The following CPNE7 variants were observed in gnomAD, a reference collection of about 807,000 sequenced individuals.
CPNE7 encodes copine-7.
CPNE7 carries 78 observed loss-of-function variants against 66.5 expected under a neutral mutation model. That is an observed-to-expected ratio of 1.17 (90% CI 0.98 to 1.42). The LOEUF (loss-of-function observed/expected upper bound fraction) is 1.42. Among genes scored for constraint, CPNE7 ranks in the 40% most tolerant of loss-of-function variants. CPNE7 has a pLI of 0.00. For missense variants in CPNE7, 1,012 were observed against 776.6 expected (o/e 1.30, Z -3.60); for synonymous variants, 468 against 336.7 (o/e 1.39, Z -4.27).
chr16:89,595,146 T>G lies in CPNE7; in HGVS notation c.1303-221T>G, dbSNP rs566475069. ...AGCCCTCCGTGAGACTCGTGGAGAT[T>G]TCCTGAGCTGGGCACAGGAGGCCCA... On this transcript the variant is annotated intron_variant, in intron 13 of 14. Transcript: ENST00000319518. Among the ~76,000 whole-genome samples the G allele has an allele frequency of 2.6e-5, 4 of 152,220 alleles. No homozygotes were observed. The East Asian group carries it at 7.7e-4, about 29-fold the overall frequency.
chr16:89,590,859 A>G, intron 11 of CPNE7, 148 bp from the exon 12 acceptor site: 1 of 497,492 alleles, frequency 2.0e-6, no homozygotes, highest in Admixed American at 3.2e-5. Context: ...CCTCTTTAGT[A>G]GGCGGGGGAC....
chr16:89,583,826 G>T, intron 3 of CPNE7, 55 bp downstream of exon 3: 1 of 1,592,824 alleles, frequency 6.3e-7, no homozygotes, highest in Non-Finnish European at 8.6e-7. Context: ...TGGCTCCGAG[G>T]GGTGTTGTGG....
At chr16:89,596,397 A>G (rs771403682) in intron 14 of CPNE7, 87 bp from the exon 15 acceptor site, 5 of 1,506,346 alleles carry the variant, frequency 3.3e-6, no homozygotes, top group South Asian at 1.3e-5. Flanking sequence ...GCTCTGGAGG[A>G]TGAGGCCTGG....
In CPNE7 at chr16:89,592,091, C is replaced by T. The variant is rs185111762; in HGVS notation, c.1302+831C>T. On this transcript the variant is annotated intron_variant, in intron 13 of 14. Coordinates refer to ENST00000319518, the MANE Select transcript of CPNE7 (RefSeq NM_153636.3). ...TGGCGCAATCTCCGCTCACTGCAAC[C>T]TCCCCCTCCCAGGTTCGCGCCATTC... 2.5e-3 allele frequency among the ~76,000 whole-genome samples: 375 copies of T among 149,714 alleles called. 7 individuals are homozygous for T. The highest frequency in any genetic ancestry group is 8.7e-3 in the African/African-American group (350 of 40,294).
At chr16:89,576,557 C>A (rs1314159159) in intron 1 of CPNE7, among the ~76,000 whole-genome samples, 1 of 152,174 alleles carries the variant, frequency 6.6e-6, no homozygotes, top group East Asian at 1.9e-4. Context: ...TCAAGCGAAC[C>A]CGCTGTGATC....
At chr16:89,577,246 C>A (rs1202884129) in intron 1 of CPNE7, among the ~76,000 whole-genome samples, 1 of 152,142 alleles carries the variant, frequency 6.6e-6, no homozygotes, top group East Asian at 1.9e-4. Context: ...GGCTGCCCAG[C>A]CCAGGGTGTG....
chr16:89,581,056 T>G (rs1274666368), intron 2 of CPNE7, among the ~76,000 whole-genome samples: 1 of 89,648 alleles, frequency 1.1e-5, no homozygotes, highest in African/African-American at 4.5e-5. Context: ...ACCCATCACA[T>G]GGAACATCCC....
At chr16:89,582,301 G>A (rs574456344) in intron 2 of CPNE7, among the ~76,000 whole-genome samples, 2 of 152,338 alleles carry the variant, frequency 1.3e-5, no homozygotes, top group East Asian at 3.9e-4. Flanking sequence ...TCAGCCCAGA[G>A]CCAGGGATCC....
chr16:89,594,975 A>G (rs1297941484), intron 13 of CPNE7, among the ~76,000 whole-genome samples: 1 of 152,080 alleles, frequency 6.6e-6, no homozygotes, highest in Non-Finnish European at 1.5e-5. Flanking sequence ...GTGGCAGCAC[A>G]GCGGGCACCC....
Position 89,585,805 on chromosome 16 carries a change from G to C in CPNE7, c.780+20G>C. The C allele has an allele frequency of 7.2e-7, 1 of 1,385,864 alleles. No homozygotes were observed. Among genetic ancestry groups the C allele is most frequent in the Non-Finnish European group, 9.7e-7 (1 of 1,025,944 alleles). The allele number at this position is 1,385,864 out of a possible 1,614,324, so 85.8% of individuals were successfully genotyped here. A position where few individuals can be genotyped will look rare whatever the true frequency, so the allele number is the denominator to read the frequency against. On this transcript the variant is annotated intron_variant, in intron 7 of 14. Transcript: ENST00000319518. ...GGGCAGGTGAGCAGGACGGGGTAGGGGGTCCTCCAGGGAGGGTCAGGTGGG... is the reference window on the plus strand; with the variant it reads ...GGGCAGGTGAGCAGGACGGGGTAGGCGGTCCTCCAGGGAGGGTCAGGTGGG...
intron 9 of CPNE7, chr16:89,587,672 C>A: frequency 2.5e-6 from 1 of 404,260 alleles, no homozygotes; most frequent in South Asian, 1.7e-5. Context: ...CACCCGCAGA[C>A]CCCGCGTCAC....
Position 89,593,477 on chromosome 16 carries a change from C to G in CPNE7, c.1303-1890C>G, listed in dbSNP as rs1451674891. ...ACGCCATTCTCCTGCCTCAGCCTCC[C>G]AAATAGCTGGGACTACAGGCGCCCG... is the stretch of plus-strand genomic sequence containing the variant. On this transcript the variant is annotated intron_variant, in intron 13 of 14. Coordinates refer to ENST00000319518, the MANE Select transcript of CPNE7 (RefSeq NM_153636.3). Among the ~76,000 whole-genome samples, 5 of 151,914 alleles carry G rather than the reference C, an allele frequency of 3.3e-5. 1 individual carries two copies. Among genetic ancestry groups the G allele is most frequent in the Non-Finnish European group, 7.4e-5 (5 of 67,990 alleles).
At chr16:89,586,123 C>G (rs1021725737) in intron 7 of CPNE7, among the ~76,000 whole-genome samples, 1 of 151,936 alleles carries the variant, frequency 6.6e-6, no homozygotes, top group Non-Finnish European at 1.5e-5. Context: ...CTGTGTTGGC[C>G]CTGCCACAGA....
chr16:89,589,991 T>A lies in CPNE7; in HGVS notation c.1116+40T>A, dbSNP rs1377786313. The stretch of plus-strand genomic sequence containing the variant: ...AACCTGAGACCTCAGAGCTGTGCCC[T>A]TCTCGTGCCCTCCCAGGCAGAGGAC... On this transcript the variant is annotated intron_variant, in intron 11 of 14. Coordinates refer to ENST00000319518, the MANE Select transcript of CPNE7 (RefSeq NM_153636.3). 3 of 1,609,026 alleles carry A rather than the reference T, an allele frequency of 1.9e-6. No homozygotes were observed. The African/African-American group carries it at 4.0e-5, about 21-fold the overall frequency.
At chr16:89,585,403 A>G (rs1310879346) in intron 5 of CPNE7, 61 bp from the exon 6 acceptor site, 6 of 1,186,996 alleles carry the variant, frequency 5.1e-6, no homozygotes, top group Non-Finnish European at 7.4e-6. Context: ...CCAGGTCTCT[A>G]TCCCCCCCAA....
At position 89,595,553 on chromosome 16, in the gene CPNE7, C is replaced by T; in HGVS notation, c.1489C>T (p.Pro497Ser). 6.2e-7 allele frequency: 1 copy of T among 1,612,068 alleles called. No individual in the cohort carries two copies. The highest frequency in any genetic ancestry group is 8.5e-7 in the Non-Finnish European group (1 of 1,179,442). Residue 497 changes from proline (P) to serine (S), a missense_variant, in exon 14 of 15, where the codon CCC (proline) becomes TCC (serine). Pro to Ser is a moderately conservative substitution (Grantham distance 74, BLOSUM62 -1). Coordinates refer to ENST00000319518, the MANE Select transcript of CPNE7 (RefSeq NM_153636.3). ...CGTCCTGCGCTCCCCACGGGGTGAG[C>T]CCGCGCTCCGGGACATCGTACAGTT... is the stretch of plus-strand genomic sequence containing the variant. ...DGVLRSPRGE[P>S]ALRDIVQFVP... is the part of the protein sequence containing the mutation.
chr16:89,588,930 T>G (rs2059128824), intron 10 of CPNE7, 122 bp downstream of exon 10: 10 of 1,227,870 alleles, frequency 8.1e-6, no homozygotes, highest in Non-Finnish European at 1.1e-5. Context: ...ACCCGGCCGG[T>G]TTTCCCTCAC....
At chr16:89,596,263 A>G (rs946619506) in intron 14 of CPNE7, among the ~76,000 whole-genome samples, 3 of 152,156 alleles carry the variant, frequency 2.0e-5, no homozygotes, top group African/African-American at 7.2e-5. Context: ...CCGTGTCAGC[A>G]CTTTTCATCT....
intron 13 of CPNE7, among the ~76,000 whole-genome samples, chr16:89,594,797 G>T (rs1014317251): frequency 1.3e-5 from 2 of 151,582 alleles, no homozygotes; most frequent in Non-Finnish European, 2.9e-5. Flanking sequence ...GATTACAGGC[G>T]CCCACCACCA....
Sources: allele counts gnomAD v4.1 joint callset (sites outside exome capture counted in the v4.1 genomes callset), GRCh38; gene constraint gnomAD v4.1.1; transcripts MANE v1.5; gene names NCBI Gene and HGNC (gene_info 2026-07-23, HGNC 2026-07-21).